The following PPARGC1A variants were observed in gnomAD, a reference collection of about 807,000 sequenced individuals.
The protein encoded by PPARGC1A is PPARG coactivator 1 alpha, also known as peroxisome proliferator-activated receptor gamma coactivator 1-alpha.
Under a neutral mutation model 88.7 loss-of-function variants are expected in PPARGC1A, and 25 were observed. The observed-to-expected ratio is 0.28, with a 90% CI of 0.21 to 0.39. The LOEUF is 0.39. Among genes scored for constraint, PPARGC1A ranks in the 10% least tolerant of loss-of-function variants. PPARGC1A has a pLI of 1.00. For synonymous variants in PPARGC1A, 363 were observed against 355.6 expected (o/e 1.02, Z -0.24); for missense variants, 880 against 968.7 (o/e 0.91, Z 1.22).
chr4:24,139,379 C>T, the PPARGC1A span, among the ~76,000 whole-genome samples: 15 of 76,152 alleles, frequency 2.0e-4, no homozygotes, highest in African/African-American at 6.5e-4. Context: ...GTGATCCGCC[C>T]GCCTTGGCCT....
At chr4:24,140,297 A>G in the PPARGC1A span, among the ~76,000 whole-genome samples, 10 of 152,232 alleles carry the variant, frequency 6.6e-5, no homozygotes, top group Non-Finnish European at 1.3e-4. Context: ...GGGGACAGAT[A>G]AAGATAAACT....
At chr4:24,402,338 C>T in the PPARGC1A span, among the ~76,000 whole-genome samples, 1 of 152,146 alleles carries the variant, frequency 6.6e-6, no homozygotes, top group Admixed American at 6.5e-5. Flanking sequence ...GGGGAGCTGC[C>T]GTGTCTTCCC....
chr4:24,401,759 A>G, the PPARGC1A span, among the ~76,000 whole-genome samples: 3 of 152,202 alleles, frequency 2.0e-5, no homozygotes, highest in Non-Finnish European at 4.4e-5. Context: ...TCAATTTCCT[A>G]ATCTACAAAT....
chr4:24,284,397 G>A, the PPARGC1A span, among the ~76,000 whole-genome samples: 2 of 152,174 alleles, frequency 1.3e-5, no homozygotes. Context: ...ATTTGAACTA[G>A]GCAGTCTAAC....
At chr4:23,954,324 G>A in the PPARGC1A span, among the ~76,000 whole-genome samples, 1 of 151,940 alleles carries the variant, frequency 6.6e-6, no homozygotes, top group African/African-American at 2.4e-5. Context: ...GTTAATCCAA[G>A]GCATATGTTA....
chr4:23,841,807 TTC>T (rs1727091956), intron 2 of PPARGC1A, among the ~76,000 whole-genome samples: 1 of 152,060 alleles, frequency 6.6e-6, no homozygotes, highest in African/African-American at 2.4e-5. Context: ...AATGCCATAG[TTC>T]TCTTAGATAA....
intron 2 of PPARGC1A, among the ~76,000 whole-genome samples, chr4:23,841,029 T>G (rs977185962): frequency 6.6e-6 from 1 of 152,132 alleles, no homozygotes; most frequent in African/African-American, 2.4e-5. Context: ...AGTGAATCTA[T>G]AGAAGTAAAT....
chr4:24,414,474 C>A, the PPARGC1A span, among the ~76,000 whole-genome samples: 5 of 152,224 alleles, frequency 3.3e-5, no homozygotes, highest in South Asian at 1.0e-3. Context: ...CTGGGATAAG[C>A]CTGGTTTATG....
intron 7 of PPARGC1A, among the ~76,000 whole-genome samples, 185 bp from the exon 8 acceptor site, chr4:23,814,790 C>T (rs1399966267): frequency 2.0e-5 from 3 of 152,044 alleles, no homozygotes; most frequent in African/African-American, 7.2e-5. Flanking sequence ...TCCCCTAAGC[C>T]TCTGTCACCA....
intron 2 of PPARGC1A, among the ~76,000 whole-genome samples, chr4:23,852,568 C>T (rs915547427): frequency 6.6e-6 from 1 of 152,052 alleles, no homozygotes; most frequent in Non-Finnish European, 1.5e-5. Context: ...TTTAAAAATC[C>T]ACCCTCCCCC....
At chr4:24,188,291 A>C in the PPARGC1A span, among the ~76,000 whole-genome samples, 1 of 152,054 alleles carries the variant, frequency 6.6e-6, no homozygotes, top group Non-Finnish European at 1.5e-5. Context: ...TAGAATCCTA[A>C]TAACCGGTGC....
chr4:23,960,870 G>A, the PPARGC1A span, among the ~76,000 whole-genome samples: 1 of 152,094 alleles, frequency 6.6e-6, no homozygotes, highest in African/African-American at 2.4e-5. Context: ...TGGAATAATT[G>A]GGCTTCTATG....
chr4:24,071,103 A>G, the PPARGC1A span, among the ~76,000 whole-genome samples: 5 of 152,288 alleles, frequency 3.3e-5, no homozygotes, highest in East Asian at 9.7e-4. Flanking sequence ...TAGATGTCAA[A>G]TTTATCAGCC....
chr4:23,828,334 G>C, intron 5 of PPARGC1A, 66 bp downstream of exon 5: 10 of 1,495,706 alleles, frequency 6.7e-6, no homozygotes, highest in Non-Finnish European at 9.3e-6. Context: ...TGTGTTCTCA[G>C]ACTTTGCATG....
chr4:24,009,200 A>C, the PPARGC1A span, among the ~76,000 whole-genome samples: 1 of 150,848 alleles, frequency 6.6e-6, no homozygotes, highest in Non-Finnish European at 1.5e-5. Flanking sequence ...TTTTATATCA[A>C]TTTTACATAA....
chr4:23,802,107 C>G, intron 11 of PPARGC1A, 117 bp downstream of exon 11: 1 of 1,433,558 alleles, frequency 7.0e-7, no homozygotes, highest in Non-Finnish European at 9.6e-7. Flanking sequence ...AGGTTCTGAA[C>G]TCAACATGTC....
chr4:24,203,804 AACTT>A, the PPARGC1A span, among the ~76,000 whole-genome samples: 8 of 152,224 alleles, frequency 5.3e-5, no homozygotes, highest in Admixed American at 2.0e-4. Context: ...CGTGCAAAAG[AACTT>A]ACTTAGCGTG....
chr4:24,091,515 GCC>G, the PPARGC1A span: 1 of 985,328 alleles, frequency 1.0e-6, no homozygotes, highest in Non-Finnish European at 1.2e-6. Flanking sequence ...TCTTCTTCCA[GCC>G]TTGGGGAGGT....
At chr4:24,192,193 A>G in the PPARGC1A span, among the ~76,000 whole-genome samples, 1 of 151,924 alleles carries the variant, frequency 6.6e-6, no homozygotes, top group Non-Finnish European at 1.5e-5. Flanking sequence ...CAAAAGAACT[A>G]TTCCCCATCC....
Sources: gnomAD v4.1 joint callset for allele counts (sites outside exome capture counted in the v4.1 genomes callset) on GRCh38, gnomAD v4.1.1 for gene constraint, MANE v1.5 for transcripts, NCBI Gene and HGNC (gene_info 2026-07-23, HGNC 2026-07-21) for gene names.